Variants in PDS5B observed in about 807,000 individuals in gnomAD.
PDS5B encodes sister chromatid cohesion protein PDS5 homolog B.
Under a neutral mutation model 184.1 loss-of-function variants are expected in PDS5B, and 51 were observed. The observed-to-expected ratio is 0.28, with a 90% CI of 0.22 to 0.35. The LOEUF (loss-of-function observed/expected upper bound fraction) is 0.35. Ranked by LOEUF, PDS5B falls within the 10% of genes least tolerant of loss-of-function variation. The pLI is 1.00. For synonymous variants in PDS5B, 566 were observed against 569.2 expected, an observed-to-expected ratio of 0.99 and a Z score of 0.08; for missense variants, 1,180 against 1,723.3, an observed-to-expected ratio of 0.68 and a Z score of 5.58.
intron 23 of PDS5B, among the ~76,000 whole-genome samples, chr13:32,745,249 A>G (rs1593584837): frequency 6.6e-6 from 1 of 152,202 alleles, no homozygotes; most frequent in Admixed American, 6.6e-5. Flanking sequence ...TTTATTAGCA[A>G]GCTAGAACAT....
chr13:32,707,404 C>A (rs544920829), intron 18 of PDS5B, among the ~76,000 whole-genome samples: 2 of 151,696 alleles, frequency 1.3e-5, no homozygotes, highest in South Asian at 4.2e-4. Flanking sequence ...AATATTAATT[C>A]ATTATTGACA....
chr13:32,682,123 C>G (rs1343444121), intron 10 of PDS5B, among the ~76,000 whole-genome samples: 1 of 152,134 alleles, frequency 6.6e-6, no homozygotes, highest in Non-Finnish European at 1.5e-5. Context: ...GAACAGCTAA[C>G]TCAGATTTAT....
intron 10 of PDS5B, 111 bp downstream of exon 10, chr13:32,679,040 GT>G: frequency 1.9e-6 from 1 of 536,436 alleles, no homozygotes; most frequent in East Asian, 3.2e-5. Context: ...GTGAAGTCTT[GT>G]TTTAGTTTAA....
chr13:32,680,960 A>T (rs1951221981), intron 10 of PDS5B, among the ~76,000 whole-genome samples: 1 of 152,178 alleles, frequency 6.6e-6, no homozygotes, highest in South Asian at 2.1e-4. Context: ...TGATTTGTAC[A>T]TGGCTAAATA....
In PDS5B at chr13:32,770,400, C is replaced by T. The variant is rs777362873; in HGVS notation, c.3904C>T (p.Pro1302Ser). ...ACCAAAACCTCTTGGTGGAGGTACACCAAAAGAAGAGCCAACAATGAAAAC... is the reference window on the plus strand; with the variant it reads ...ACCAAAACCTCTTGGTGGAGGTACATCAAAAGAAGAGCCAACAATGAAAAC... ...RPPKPLGGGT[P>S]KEEPTMKTSK... Residue 1302 changes from proline to serine, a missense_variant, in exon 32 of 35, where the codon CCA becomes TCA. Transcript: ENST00000315596. The T allele has an allele frequency of 6.2e-7, 1 of 1,607,668 alleles. No homozygotes were observed. The highest frequency in any genetic ancestry group is 1.7e-5 in the Admixed American group (1 of 59,410).
At chr13:32,683,403 C>G (rs1951303725) in intron 10 of PDS5B, among the ~76,000 whole-genome samples, 1 of 151,430 alleles carries the variant, frequency 6.6e-6, no homozygotes, top group Admixed American at 6.6e-5. Context: ...TCACCGCAGC[C>G]TCTCCCTACT....
intron 16 of PDS5B, 97 bp downstream of exon 16, chr13:32,699,966 T>G: frequency 8.8e-7 from 1 of 1,142,198 alleles, no homozygotes; most frequent in Non-Finnish European, 1.2e-6. Context: ...TATATTAAAT[T>G]TGAAAAATGT....
At chr13:32,761,661 A>G (rs957636613) in intron 30 of PDS5B, among the ~76,000 whole-genome samples, 1 of 152,170 alleles carries the variant, frequency 6.6e-6, no homozygotes, top group Non-Finnish European at 1.5e-5. Context: ...GCTGCGTAGT[A>G]TTCCATGGTA....
Position 32,758,067 on chromosome 13 carries a change from T to C in PDS5B, c.3057-20T>C. ...GATGATTTTCTTCTATATTTCTTTT[T>C]TCCTTTTTTTTTTTTTTAGATGTCT... is the stretch of plus-strand genomic sequence containing the variant. On this transcript the variant is annotated intron_variant, in intron 26 of 34. Transcript: ENST00000315596. 1 of 1,200,836 alleles carries C rather than the reference T, an allele frequency of 8.3e-7. No individual in the cohort carries two copies. The highest frequency in any genetic ancestry group is 1.1e-6 in the Non-Finnish European group (1 of 884,650). The allele number at this position is 1,200,836 out of a possible 1,614,324, so 74.4% of individuals were successfully genotyped here. A position where few individuals can be genotyped will look rare whatever the true frequency, so the allele number is the denominator to read the frequency against.
intron 24 of PDS5B, among the ~76,000 whole-genome samples, chr13:32,751,350 T>A (rs1953974250): frequency 6.6e-6 from 1 of 152,248 alleles, no homozygotes; most frequent in African/African-American, 2.4e-5. Flanking sequence ...GTAGACATGA[T>A]TTATAATCCT....
At chr13:32,663,081 AT>A (rs1566299354) in intron 6 of PDS5B, among the ~76,000 whole-genome samples, 1 of 152,146 alleles carries the variant, frequency 6.6e-6, no homozygotes, top group East Asian at 1.9e-4. Context: ...AACTCTGCCT[AT>A]AAAACAAAAC....
chr13:32,775,364 A>G lies in PDS5B; in HGVS notation c.*312A>G, dbSNP rs1954924583. ...TTTCTGAAGTGCTTGTATAGCTTTT[A>G]TCTGCGGCTTTAAACTGACAGTACC... On this transcript the variant is annotated 3_prime_UTR_variant, in exon 35 of 35. Transcript: ENST00000315596. The G allele has an allele frequency of 5.6e-6, 2 of 355,232 alleles. No individual in the cohort carries two copies. Among genetic ancestry groups the G allele is most frequent in the South Asian group, 6.5e-5 (2 of 30,964 alleles). 22.0% of individuals were successfully genotyped at this position (355,232 alleles called of 1,614,324 possible).
Position 32,685,041 on chromosome 13 carries a change from A to C in PDS5B, c.1203+1018A>C, listed in dbSNP as rs140676893. ...GGCAGGAGAATGGCATGAACCTGGG[A>C]GGCAGAGCTTCCAGTGAGCTGAGAT... On this transcript the variant is annotated intron_variant, in intron 11 of 34. Transcript: ENST00000315596. Among the ~76,000 whole-genome samples, 1,384 of 152,300 alleles carry C rather than the reference A, an allele frequency of 9.1e-3. 57 individuals are homozygous for C. The highest frequency in any genetic ancestry group is 0.075 in the Admixed American group (1,148 of 15,298).
In PDS5B at chr13:32,683,992, A is replaced by G. The variant is rs1951319348; in HGVS notation, c.1172A>G (p.Asn391Ser). The change falls in exon 11 of 35, where the codon AAT becomes AGT. Residue 391 changes from asparagine (N) to serine (S), a missense_variant. Asn to Ser is a conservative substitution (Grantham distance 46). This residue lies in a region of PDS5B where 475 missense variants were observed against 691.5 expected (regional missense o/e 0.69). Transcript: ENST00000315596. ...DILLVNDHLL[N>S]FVRERTLDKR... ...CTTCTGGTCAATGATCACTTACTTA[A>G]TTTTGTGAGAGAGAGAACATTAGAC... 6.3e-7 allele frequency: 1 copy of G among 1,576,740 alleles called. No homozygotes were observed. Among genetic ancestry groups the G allele is most frequent in the Non-Finnish European group, 8.7e-7 (1 of 1,149,558 alleles).
At chr13:32,759,523 A>T in intron 28 of PDS5B, 105 bp from the exon 29 acceptor site, 1 of 504,550 alleles carries the variant, frequency 2.0e-6, no homozygotes, top group Non-Finnish European at 3.5e-6. Flanking sequence ...TTCATATGAT[A>T]ATTTAGTTTA....
chr13:32,646,565 T>C (rs1479404020), intron 1 of PDS5B, among the ~76,000 whole-genome samples: 1 of 151,718 alleles, frequency 6.6e-6, no homozygotes, highest in Non-Finnish European at 1.5e-5. Flanking sequence ...ATCTGGGGCC[T>C]ATTTATCTTT....
At chr13:32,679,008 C>T (rs368251201) in intron 10 of PDS5B, 79 bp downstream of exon 10, 3 of 677,172 alleles carry the variant, frequency 4.4e-6, no homozygotes, top group Non-Finnish European at 7.7e-6. Flanking sequence ...GGAAAAAAAA[C>T]CCCTTTTTTC....
intron 8 of PDS5B, among the ~76,000 whole-genome samples, chr13:32,674,597 TC>T (rs1304426524): frequency 6.6e-6 from 1 of 150,890 alleles, no homozygotes; most frequent in East Asian, 1.9e-4. Flanking sequence ...GAAATTATCA[TC>T]CCTGCTTTCA....
chr13:32,739,287 C>G (rs1216712393), intron 21 of PDS5B, among the ~76,000 whole-genome samples: 1 of 152,120 alleles, frequency 6.6e-6, no homozygotes, highest in Non-Finnish European at 1.5e-5. Context: ...AGTGCTACCA[C>G]TCATGTCTCC....
Sources: allele counts gnomAD v4.1 joint callset (sites outside exome capture counted in the v4.1 genomes callset), GRCh38; gene constraint gnomAD v4.1.1; regional missense constraint gnomAD v4.1.1; transcripts MANE v1.5; gene names NCBI Gene and HGNC (gene_info 2026-07-23, HGNC 2026-07-21).